Variants in CIT observed in about 807,000 individuals in gnomAD.
CIT encodes the protein citron Rho-interacting kinase.
CIT carries 79 observed loss-of-function variants against 272.7 expected under a neutral mutation model. The ratio of observed to expected loss-of-function variants is 0.29; its 90% CI spans 0.24 to 0.35. The LOEUF (loss-of-function observed/expected upper bound fraction) is 0.35. Among genes scored for constraint, CIT ranks in the 10% least tolerant of loss-of-function variants. The pLI is 1.00. For synonymous variants in CIT, 948 were observed against 995.6 expected (o/e 0.95, Z 0.90); for missense variants, 1,909 against 2,618.3 (o/e 0.73, Z 5.91).
intron 13 of CIT, among the ~76,000 whole-genome samples, chr12:119,779,406 A>G (rs1183481401): frequency 2.0e-5 from 3 of 152,174 alleles, no homozygotes; most frequent in Non-Finnish European, 4.4e-5. Context: ...TTGTGCTCCT[A>G]TAAATACAAA....
intron 10 of CIT, among the ~76,000 whole-genome samples, chr12:119,786,802 T>C (rs1964832059): frequency 6.6e-6 from 1 of 152,002 alleles, no homozygotes; most frequent in Non-Finnish European, 1.5e-5. Context: ...GCCAAATGAG[T>C]CAACGCCCAG....
intron 19 of CIT, 125 bp downstream of exon 19, chr12:119,766,962 A>G (rs1395980089): frequency 4.0e-6 from 2 of 499,106 alleles, no homozygotes; most frequent in African/African-American, 3.9e-5. Context: ...ACCATGGAAT[A>G]AGGACATTAT....
At chr12:119,776,939 G>T in intron 13 of CIT, 97 bp from the exon 14 acceptor site, 1 of 1,297,178 alleles carries the variant, frequency 7.7e-7, no homozygotes, top group Non-Finnish European at 1.1e-6. Flanking sequence ...CAGGGAAGAT[G>T]CACAGTGAAG....
intron 32 of CIT, among the ~76,000 whole-genome samples, chr12:119,716,046 T>A (rs1957449008): frequency 6.6e-6 from 1 of 152,136 alleles, no homozygotes; most frequent in Admixed American, 6.6e-5. Flanking sequence ...AGCAATGCTT[T>A]CCTCTATCTT....
chr12:119,809,421 G>A (rs1966776684), intron 9 of CIT, among the ~76,000 whole-genome samples: 2 of 152,112 alleles, frequency 1.3e-5, no homozygotes, highest in Non-Finnish European at 2.9e-5. Flanking sequence ...CAGGAGACAG[G>A]TTTGAATTAT....
chr12:119,717,830 AC>A (rs1385747739), intron 32 of CIT, among the ~76,000 whole-genome samples: 1 of 76,174 alleles, frequency 1.3e-5, no homozygotes, highest in Non-Finnish European at 2.6e-5. Context: ...CAGGAGACTG[AC>A]TTCTTTCTTT....
chr12:119,710,522 T>G lies in CIT; in HGVS notation c.4935+18A>C, dbSNP rs768732540. On this transcript the variant is annotated intron_variant, in intron 38 of 47. Transcript: ENST00000392521. This position sits in a 1 kb window ranked among gnomAD's most constrained non-coding sequence, Gnocchi z 5.6. Reference sequence around the variant, plus strand: ...GCTGTAACCAGACACCAGCTGGCCGTGCCCATGCAAGCATTACCTGGTCAC... The same window carrying G: ...GCTGTAACCAGACACCAGCTGGCCGGGCCCATGCAAGCATTACCTGGTCAC... 4 of 1,613,854 alleles carry G rather than the reference T, an allele frequency of 2.5e-6. No homozygotes were observed. In the East Asian group the frequency reaches 8.9e-5, roughly 36 times the overall value.
At chr12:119,816,093 G>A (rs1241513557) in intron 9 of CIT, among the ~76,000 whole-genome samples, 3 of 152,114 alleles carry the variant, frequency 2.0e-5, no homozygotes, top group Non-Finnish European at 1.5e-5. Flanking sequence ...ACAATAATAA[G>A]CATAAAGCAC....
intron 2 of CIT, among the ~76,000 whole-genome samples, chr12:119,873,552 T>C (rs574276472): frequency 6.6e-6 from 1 of 152,264 alleles, no homozygotes; most frequent in South Asian, 2.1e-4. Context: ...ATTGCTAGGA[T>C]TACAGGCGTG....
chr12:119,761,857 C>T (rs116033963), intron 19 of CIT, among the ~76,000 whole-genome samples: 2,461 of 152,272 alleles, frequency 0.016, 73 homozygotes, highest in African/African-American at 0.057. Context: ...CAATCGCCAA[C>T]TTGATCTAAT....
In CIT at chr12:119,812,745, A is replaced by ATT. The variant is rs11315906; in HGVS notation, c.1112-9358_1112-9357dup. ...CCAACAGTGAAAAGATTTATTCTTA[A>ATT]TTTTTTTTTTTTTTTTTTGAGATGG... On this transcript the variant is annotated intron_variant, in intron 9 of 47. Coordinates refer to ENST00000392521, the MANE Select transcript of CIT (RefSeq NM_001206999.2). 4.9e-4 allele frequency among the ~76,000 whole-genome samples: 63 copies of ATT among 128,186 alleles called. 1 individual carries two copies. The highest frequency in any genetic ancestry group is 4.0e-3 in the Middle Eastern group (1 of 250). 84.1% of individuals were successfully genotyped at this position (128,186 alleles called of 152,430 possible).
Position 119,803,404 on chromosome 12 carries a change from A to C in CIT, c.1112-15T>G. The C allele has an allele frequency of 6.6e-7, 1 of 1,526,686 alleles. No individual in the cohort carries two copies. Among genetic ancestry groups the C allele is most frequent in the East Asian group, 2.4e-5 (1 of 41,432 alleles). 94.6% of individuals were successfully genotyped at this position (1,526,686 alleles called of 1,614,324 possible). ...GGGGGGAGGAGCTGGTTAAAGAAAA[A>C]CAAGAAAGGAGGCGGGGAGGAAAAA... On this transcript the variant is annotated splice_polypyrimidine_tract_variant and intron_variant, in intron 9 of 47. Transcript: ENST00000392521.
intron 15 of CIT, 144 bp downstream of exon 15, chr12:119,776,214 G>A: frequency 5.6e-6 from 4 of 719,460 alleles, no homozygotes; most frequent in Non-Finnish European, 9.7e-6. Flanking sequence ...GTCACCCAAA[G>A]GTGGACTATC....
intron 28 of CIT, among the ~76,000 whole-genome samples, chr12:119,722,118 C>G (rs1178100807): frequency 3.3e-5 from 5 of 152,094 alleles, no homozygotes; most frequent in Non-Finnish European, 5.9e-5. Flanking sequence ...AAATCTCGCT[C>G]CAATTTTTAT....
chr12:119,820,735 C>T (rs1470720909), intron 9 of CIT, among the ~76,000 whole-genome samples: 2 of 152,098 alleles, frequency 1.3e-5, no homozygotes, highest in African/African-American at 4.8e-5. Context: ...TTTTGGGAGG[C>T]CAAAGCAGGA....
intron 28 of CIT, among the ~76,000 whole-genome samples, chr12:119,724,105 G>A (rs957039956): frequency 6.6e-6 from 1 of 152,044 alleles, no homozygotes; most frequent in African/African-American, 2.4e-5. Context: ...AACATAGGGA[G>A]ACGCCGTCTC....
chr12:119,803,481 G>C, intron 9 of CIT, 92 bp from the exon 10 acceptor site: 2 of 943,324 alleles, frequency 2.1e-6, no homozygotes, highest in Non-Finnish European at 3.1e-6. Context: ...TTACTCCTTC[G>C]GCGCTGGCGA....
chr12:119,778,616 C>G (rs971408706), intron 13 of CIT, among the ~76,000 whole-genome samples: 6 of 152,074 alleles, frequency 3.9e-5, no homozygotes, highest in African/African-American at 1.4e-4. Context: ...ATAAAGGAAA[C>G]CTTTTATCCC....
intron 18 of CIT, among the ~76,000 whole-genome samples, chr12:119,767,811 A>G (rs1397634247): frequency 6.6e-6 from 1 of 152,204 alleles, no homozygotes; most frequent in Non-Finnish European, 1.5e-5. Context: ...TAATAATGAC[A>G]TAAAAATGTA....
Sources: allele counts gnomAD v4.1 joint callset (sites outside exome capture counted in the v4.1 genomes callset), GRCh38; gene constraint gnomAD v4.1.1; non-coding constraint Gnocchi (gnomAD v3.1); transcripts MANE v1.5; gene names NCBI Gene and HGNC (gene_info 2026-07-23, HGNC 2026-07-21).